FRMPD4: variants seen among roughly 807,000 people sequenced by gnomAD.
FRMPD4 encodes the protein FERM and PDZ domain containing 4, also known as FERM and PDZ domain-containing protein 4.
FRMPD4 carries 22 observed loss-of-function variants against 94.1 expected under a neutral mutation model. That is an observed-to-expected ratio of 0.23 (90% CI 0.17 to 0.33). The LOEUF is 0.33. FRMPD4 is among the 10% of genes least tolerant of loss of function. The probability of loss-of-function intolerance (pLI) is 1.00; values close to 1 mark genes in which losing one functional copy is unlikely to be tolerated. For synonymous variants in FRMPD4, 631 were observed against 548.6 expected (o/e 1.15, Z -2.10); for missense variants, 1,111 against 1,339.9 (o/e 0.83, Z 2.67).
intron 1 of FRMPD4, among the ~76,000 whole-genome samples, chrX:12,164,002 TTTTA>T (rs982209245): frequency 1.8e-5 from 2 of 111,553 alleles, no homozygotes; most frequent in African/African-American, 6.5e-5. Context: ...GATGGTGGGA[TTTTA>T]TTTATTTATT....
chrX:12,146,296 G>A (rs1053557518), intron 1 of FRMPD4, among the ~76,000 whole-genome samples: 5 of 110,015 alleles, frequency 4.5e-5, no homozygotes, highest in Non-Finnish European at 7.6e-5. Context: ...TCTGGGAGGC[G>A]AAGCTTGCAG....
chrX:12,419,594 G>GAGTC (rs1178252810), intron 1 of FRMPD4, among the ~76,000 whole-genome samples: 2 of 111,383 alleles, frequency 1.8e-5, no homozygotes, highest in African/African-American at 6.5e-5. Flanking sequence ...GAGTGGAAAG[G>GAGTC]AGTCCTGAGG....
intron 3 of FRMPD4, among the ~76,000 whole-genome samples, chrX:11,954,315 A>T (rs749337156): frequency 1.2e-4 from 14 of 112,435 alleles, no homozygotes; most frequent in Non-Finnish European, 2.1e-4. Context: ...TTAAAGCTGG[A>T]TGCAAGAGTT....
At chrX:12,417,395 A>G (rs1311464027) in intron 1 of FRMPD4, among the ~76,000 whole-genome samples, 2 of 109,012 alleles carry the variant, frequency 1.8e-5, no homozygotes, top group East Asian at 5.8e-4. Context: ...CCTGGCCAAC[A>G]TGGTGAAACC....
intron 1 of FRMPD4, among the ~76,000 whole-genome samples, chrX:12,342,800 T>C (rs1297356114): frequency 8.9e-6 from 1 of 112,297 alleles, no homozygotes; most frequent in Non-Finnish European, 1.9e-5. Context: ...TCACTAGCCA[T>C]GTGTCCATTT....
At chrX:12,655,518 A>T (rs759756434) in intron 4 of FRMPD4, among the ~76,000 whole-genome samples, 1 of 112,216 alleles carries the variant, frequency 8.9e-6, no homozygotes, top group Non-Finnish European at 1.9e-5. Flanking sequence ...GCCATGATAC[A>T]GTATGGTAGC....
At chrX:12,553,724 C>T (rs113564501) in intron 2 of FRMPD4, among the ~76,000 whole-genome samples, 14 of 109,055 alleles carry the variant, frequency 1.3e-4, no homozygotes, top group African/African-American at 4.0e-4. Flanking sequence ...TCTCATGAAG[C>T]GAAATCTTCT....
At chrX:12,168,616 C>T (rs2056164294) in intron 1 of FRMPD4, among the ~76,000 whole-genome samples, 1 of 98,025 alleles carries the variant, frequency 1.0e-5, no homozygotes, top group South Asian at 5.0e-4. Flanking sequence ...CTTAAAGACA[C>T]TGACCCTTTT....
At chrX:12,274,845 TAA>T (rs771420122) in intron 1 of FRMPD4, among the ~76,000 whole-genome samples, 7 of 111,857 alleles carry the variant, frequency 6.3e-5, no homozygotes, top group Non-Finnish European at 1.1e-4. Context: ...CCGTCTCTAC[TAA>T]AAATACAAAA....
At chrX:12,304,928 C>G (rs938337550) in intron 1 of FRMPD4, among the ~76,000 whole-genome samples, 1 of 111,610 alleles carries the variant, frequency 9.0e-6, no homozygotes, top group Admixed American at 9.5e-5. Flanking sequence ...CATTGCAGAT[C>G]AGATCTTACT....
intron 3 of FRMPD4, among the ~76,000 whole-genome samples, chrX:11,941,174 C>T (rs2054157803): frequency 3.7e-5 from 2 of 53,883 alleles, no homozygotes. Flanking sequence ...ACACACTGGC[C>T]TGCGCCCACT....
intron 1 of FRMPD4, among the ~76,000 whole-genome samples, chrX:12,331,614 T>A (rs1282846896): frequency 1.5e-4 from 13 of 84,160 alleles, no homozygotes; most frequent in African/African-American, 5.3e-4. Flanking sequence ...TAATATAATA[T>A]ATATATTATA....
chrX:12,402,864 T>C (rs1261723763), intron 1 of FRMPD4, among the ~76,000 whole-genome samples: 3 of 112,067 alleles, frequency 2.7e-5, no homozygotes, highest in Non-Finnish European at 5.6e-5. Context: ...GAAGCAGAGA[T>C]CAGCCCTTAC....
At chrX:12,289,674 G>T (rs1168618821) in intron 1 of FRMPD4, among the ~76,000 whole-genome samples, 1 of 111,401 alleles carries the variant, frequency 9.0e-6, no homozygotes. Flanking sequence ...GAGGTAAGGG[G>T]CTGTTTCTGA....
chrX:12,519,451 G>A (rs753291889), intron 2 of FRMPD4, among the ~76,000 whole-genome samples: 2 of 111,911 alleles, frequency 1.8e-5, no homozygotes, highest in Non-Finnish European at 3.8e-5. Context: ...TCTTAAAAGA[G>A]AACATGGGGG....
Position 12,703,418 on chromosome X carries a change from A to G in FRMPD4, c.1071-941A>G, listed in dbSNP as rs868305562. On this transcript the variant is annotated intron_variant, in intron 10 of 16. Coordinates refer to ENST00000675598, the MANE Select transcript of FRMPD4 (RefSeq NM_001368397.1). ...TGAGAAGGAAGAAAACATAATGATC[A>G]TGAAATATACCATCTTAACTAGTGA... 8.9e-5 allele frequency among the ~76,000 whole-genome samples: 10 copies of G among 112,538 alleles called. 1 individual carries two copies. Among genetic ancestry groups the G allele is most frequent in the Non-Finnish European group, 1.7e-4 (9 of 53,232 alleles).
At chrX:12,629,835 G>A (rs984437986) in intron 4 of FRMPD4, among the ~76,000 whole-genome samples, 8 of 112,344 alleles carry the variant, frequency 7.1e-5, no homozygotes, top group Non-Finnish European at 1.3e-4. Flanking sequence ...GTCAGATGCT[G>A]TCATTACTGC....
intron 2 of FRMPD4, among the ~76,000 whole-genome samples, chrX:12,551,374 A>G (rs1289931661): frequency 9.0e-6 from 1 of 110,655 alleles, no homozygotes; most frequent in Non-Finnish European, 1.9e-5. Context: ...CAAAACATAT[A>G]ATGACACTGA....
chrX:12,608,954 T>C (rs1222050186), intron 2 of FRMPD4, among the ~76,000 whole-genome samples: 1 of 112,223 alleles, frequency 8.9e-6, no homozygotes, highest in Non-Finnish European at 1.9e-5. Flanking sequence ...TTGGATGCCC[T>C]CAAAACTCAA....
Sources: gnomAD v4.1 joint callset for allele counts (sites outside exome capture counted in the v4.1 genomes callset) on GRCh38, gnomAD v4.1.1 for gene constraint, MANE v1.5 for transcripts, NCBI Gene and HGNC (gene_info 2026-07-23, HGNC 2026-07-21) for gene names.